Variants in CPEB4 observed in about 807,000 individuals in gnomAD.
CPEB4 encodes the protein cytoplasmic polyadenylation element binding protein 4.
Under a neutral mutation model 72.5 loss-of-function variants are expected in CPEB4, and 12 were observed. That is an observed-to-expected ratio of 0.17 (90% CI 0.11 to 0.27). CPEB4 has a LOEUF of 0.27. Ranked by LOEUF, CPEB4 falls within the 10% of genes least tolerant of loss-of-function variation. The pLI, the probability that CPEB4 is intolerant of heterozygous loss-of-function variation, is 1.00. For missense variants in CPEB4, 614 were observed against 908.5 expected (o/e 0.68, Z 4.17); for synonymous variants, 302 against 326.3 (o/e 0.93, Z 0.80).
intron 2 of CPEB4, among the ~76,000 whole-genome samples, chr5:173,916,294 C>T (rs569857138): frequency 6.6e-6 from 1 of 152,276 alleles, no homozygotes; most frequent in African/African-American, 2.4e-5. Context: ...AAGAAAGGCT[C>T]AACATATCCA....
At chr5:173,914,639 C>T (rs1240404589) in intron 2 of CPEB4, among the ~76,000 whole-genome samples, 1 of 151,994 alleles carries the variant, frequency 6.6e-6, no homozygotes, top group Non-Finnish European at 1.5e-5. Flanking sequence ...ACCTGTAGTC[C>T]CAGTTACTCC....
chr5:173,901,889 G>A (rs904744291), intron 1 of CPEB4, among the ~76,000 whole-genome samples: 3 of 152,152 alleles, frequency 2.0e-5, no homozygotes, highest in Non-Finnish European at 4.4e-5. Flanking sequence ...AGCTCATGGC[G>A]CATGGTGATA....
In CPEB4 at chr5:173,932,453, G is replaced by A. The variant is rs142106976; in HGVS notation, c.1211G>A (p.Arg404His). ...MRAENDTIKGRLNYSYPGSDS... is the reference protein window; with the variant it reads ...MRAENDTIKGHLNYSYPGSDS... ...AACGGCCTTCTTTTACCTTCAGGTC[G>A]TCTAAACTATTCATATCCAGGATCC... The change falls in exon 3 of 10, where the codon CGT becomes CAT. Residue 404 changes from arginine (R) to histidine (H), a missense_variant. Coordinates refer to ENST00000265085, the MANE Select transcript of CPEB4 (RefSeq NM_030627.4). 53 of 1,611,444 alleles carry A rather than the reference G, an allele frequency of 3.3e-5. No homozygotes were observed. The highest frequency in any genetic ancestry group is 5.0e-5 in the Admixed American group (3 of 59,688).
At chr5:173,932,403 C>T in intron 2 of CPEB4, 47 bp from the exon 3 acceptor site, 1 of 1,475,320 alleles carries the variant, frequency 6.8e-7, no homozygotes, top group Non-Finnish European at 9.4e-7. Flanking sequence ...AAGTTTAAAC[C>T]ATCTATGAAA....
chr5:173,889,958 G>C lies in CPEB4; in HGVS notation c.225G>C (p.Leu75Phe). ...PATHNIQDEILGSEKAKSQQQ... is the reference protein window; with the variant it reads ...PATHNIQDEIFGSEKAKSQQQ... ...CCCATAACATTCAGGATGAGATCTT[G>C]GGGTCAGAAAAAGCAAAAAGTCAGC... Residue 75 changes from leucine to phenylalanine, a missense_variant, in exon 1 of 10, where the codon TTG (leucine) becomes TTC (phenylalanine). Coordinates refer to ENST00000265085, the MANE Select transcript of CPEB4 (RefSeq NM_030627.4). 1 of 1,614,100 alleles carries C rather than the reference G, an allele frequency of 6.2e-7. No individual in the cohort carries two copies. The highest frequency in any genetic ancestry group is 2.2e-5 in the East Asian group (1 of 44,886).
At chr5:173,904,871 C>T (rs1048419410) in intron 1 of CPEB4, among the ~76,000 whole-genome samples, 9 of 151,352 alleles carry the variant, frequency 5.9e-5, no homozygotes, top group African/African-American at 1.9e-4. Flanking sequence ...CTTGGGAGGC[C>T]GAGGCCAGAG....
At chr5:173,932,643 CTT>C in intron 3 of CPEB4, 143 bp downstream of exon 3, 1 of 605,076 alleles carries the variant, frequency 1.7e-6, no homozygotes, top group Non-Finnish European at 2.8e-6. Context: ...AAGAATGATT[CTT>C]TTAGCTCACA....
At chr5:173,928,164 CAG>C (rs988026829) in intron 2 of CPEB4, among the ~76,000 whole-genome samples, 1 of 152,132 alleles carries the variant, frequency 6.6e-6, no homozygotes, top group African/African-American at 2.4e-5. Flanking sequence ...AGGGGGAGCA[CAG>C]AGGATTTTTA....
rs149340793 is a variant in CPEB4 at position 173,900,386 on chromosome 5, C to T, written c.1125+9528C>T. Among the ~76,000 whole-genome samples, 663 of 151,598 alleles carry T rather than the reference C, an allele frequency of 4.4e-3. 2 individuals carry two copies. Among genetic ancestry groups the T allele is most frequent in the Non-Finnish European group, 6.5e-3 (438 of 67,830 alleles). On this transcript the variant is annotated intron_variant, in intron 1 of 9. Coordinates refer to ENST00000265085, the MANE Select transcript of CPEB4 (RefSeq NM_030627.4). The surrounding 1 kb of genome is among the most constrained non-coding windows in gnomAD (Gnocchi z 4.4). ...CGCCATTGCACTCCAGCCTGGACAA[C>T]AACAGCGGAACTCTGTCTCAAAAAA...
chr5:173,895,733 A>G (rs192901782), intron 1 of CPEB4, among the ~76,000 whole-genome samples: 3 of 152,210 alleles, frequency 2.0e-5, no homozygotes, highest in Non-Finnish European at 4.4e-5. Context: ...CAGAACTGAC[A>G]TATTGGAAAA....
At chr5:173,896,913 CTT>C (rs965590067) in intron 1 of CPEB4, among the ~76,000 whole-genome samples, 2 of 152,094 alleles carry the variant, frequency 1.3e-5, no homozygotes, top group Non-Finnish European at 2.9e-5. Flanking sequence ...ATACAAAACA[CTT>C]TTTCTAAAAT....
intron 1 of CPEB4, among the ~76,000 whole-genome samples, chr5:173,896,978 A>G (rs949968526): frequency 6.6e-6 from 1 of 152,244 alleles, no homozygotes; most frequent in African/African-American, 2.4e-5. Context: ...GTATGTGGCC[A>G]TATTAGGTTG....
At chr5:173,896,646 G>A (rs1756023274) in intron 1 of CPEB4, among the ~76,000 whole-genome samples, 1 of 152,190 alleles carries the variant, frequency 6.6e-6, no homozygotes, top group African/African-American at 2.4e-5. Context: ...ACTATATGAA[G>A]CTGTTGTAAA....
chr5:173,925,569 T>C (rs892304510), intron 2 of CPEB4, among the ~76,000 whole-genome samples: 1 of 152,224 alleles, frequency 6.6e-6, no homozygotes, highest in Non-Finnish European at 1.5e-5. Flanking sequence ...TATTGCTATG[T>C]CTTCTGCATT....
chr5:173,912,642 T>TA (rs34487209), intron 2 of CPEB4, among the ~76,000 whole-genome samples: 2 of 149,194 alleles, frequency 1.3e-5, no homozygotes, highest in South Asian at 2.1e-4. Flanking sequence ...TTTTTTTTTT[T>TA]AAAAAGTTAA....
At chr5:173,917,880 G>A (rs1756929657) in intron 2 of CPEB4, among the ~76,000 whole-genome samples, 2 of 152,162 alleles carry the variant, frequency 1.3e-5, no homozygotes, top group Admixed American at 1.3e-4. Flanking sequence ...AAGTCTTTAA[G>A]ACTCAGAGTC....
intron 2 of CPEB4, among the ~76,000 whole-genome samples, chr5:173,919,190 C>T (rs988357808): frequency 1.3e-5 from 2 of 152,064 alleles, no homozygotes; most frequent in African/African-American, 4.8e-5. Flanking sequence ...AAACAAGCAA[C>T]AATCAGGTAA....
rs1755720315 is a variant in CPEB4, at chr5:173,889,325, A to G, written c.-409A>G. On this transcript the variant is annotated 5_prime_UTR_variant, in exon 1 of 10. The change creates a new upstream start codon in the 5' untranslated region. Coordinates refer to ENST00000265085, the MANE Select transcript of CPEB4 (RefSeq NM_030627.4). ...ACCATATGTGATTGTTAAATTATAT[A>G]TATCTATATTTTTACTCCGCGCAAG... The G allele has an allele frequency of 6.5e-6, 1 of 154,938 alleles. No homozygotes were observed. The highest frequency in any genetic ancestry group is 2.4e-5 in the African/African-American group (1 of 41,468). 9.6% of individuals were successfully genotyped at this position (154,938 alleles called of 1,614,324 possible).
chr5:173,934,040 C>T (rs1394872342), intron 3 of CPEB4, among the ~76,000 whole-genome samples: 2 of 152,132 alleles, frequency 1.3e-5, no homozygotes, highest in Non-Finnish European at 2.9e-5. Flanking sequence ...TAAAAACTAG[C>T]CAGGTGTGGT....
Sources: allele counts gnomAD v4.1 joint callset (sites outside exome capture counted in the v4.1 genomes callset), GRCh38; gene constraint gnomAD v4.1.1; non-coding constraint Gnocchi (gnomAD v3.1); transcripts MANE v1.5; gene names NCBI Gene and HGNC (gene_info 2026-07-23, HGNC 2026-07-21).